The following KLF7 variants were observed in gnomAD, a reference collection of about 807,000 sequenced individuals.
KLF7 encodes KLF transcription factor 7.
KLF7 carries 2 observed loss-of-function variants against 27.3 expected under a neutral mutation model. The observed-to-expected ratio is 0.07, with a 90% CI of 0.03 to 0.23. The LOEUF is 0.23. KLF7 is among the 10% of genes least tolerant of loss of function. KLF7 has a pLI of 1.00. For missense variants in KLF7, 221 were observed against 394.1 expected, an observed-to-expected ratio of 0.56 and a Z score of 3.72; for synonymous variants, 165 against 162.4, an observed-to-expected ratio of 1.02 and a Z score of -0.12.
Position 207,075,815 on chromosome 2 carries a change from A to G in KLF7, c.*5398T>C, listed in dbSNP as rs975039330. The G allele has an allele frequency of 1.3e-5, 2 of 152,158 alleles. No homozygotes were observed. Among genetic ancestry groups the G allele is most frequent in the Non-Finnish European group, 2.9e-5 (2 of 68,026 alleles). The allele number at this position is 152,158 out of a possible 1,614,324, so 9.4% of individuals were successfully genotyped here. ...TGGAATGAAGCAGAAGTGAAAGATA[A>G]GGAAATTAAACTAAGTCTGGGTTTA... On this transcript the variant is annotated 3_prime_UTR_variant, in exon 4 of 4. Transcript: ENST00000309446.
intron 1 of KLF7, among the ~76,000 whole-genome samples, chr2:207,148,560 G>A (rs897116915): frequency 6.6e-6 from 1 of 152,088 alleles, no homozygotes; most frequent in African/African-American, 2.4e-5. Flanking sequence ...AGCCCACAAT[G>A]GTTTTTTGAC....
intron 1 of KLF7, among the ~76,000 whole-genome samples, chr2:207,161,812 T>A (rs578112246): frequency 6.6e-6 from 1 of 152,112 alleles, no homozygotes; most frequent in African/African-American, 2.4e-5. Flanking sequence ...TTTAAAACAA[T>A]AGGGGAATGG....
intron 1 of KLF7, among the ~76,000 whole-genome samples, chr2:207,157,942 A>T (rs1375895209): frequency 6.6e-6 from 1 of 152,226 alleles, no homozygotes; most frequent in African/African-American, 2.4e-5. Context: ...TTGATGAGTT[A>T]GGGGTTTAGG....
At chr2:207,104,932 G>C (rs1285100355) in intron 2 of KLF7, among the ~76,000 whole-genome samples, 1 of 152,206 alleles carries the variant, frequency 6.6e-6, no homozygotes, top group East Asian at 1.9e-4. Context: ...CGAATCTACT[G>C]AGACAGGAAG....
chr2:207,172,599 TTTACAGGATAA>T, the KLF7 span, among the ~76,000 whole-genome samples: 16 of 152,194 alleles, frequency 1.1e-4, no homozygotes, highest in Admixed American at 9.8e-4. Flanking sequence ...ATATTTGACT[TTTACAGGATAA>T]TCAAAAAGAG....
chr2:207,124,153 A>G lies in KLF7; in HGVS notation c.354T>C (p.Ser118=), dbSNP rs1399173253. 1 of 1,614,122 alleles carries G rather than the reference A, an allele frequency of 6.2e-7. No homozygotes were observed. The highest frequency in any genetic ancestry group is 2.2e-5 in the East Asian group (1 of 44,878). The change falls in exon 2 of 4, where the codon TCT becomes TCC. Residue 118 remains serine, a synonymous_variant. Coordinates refer to ENST00000309446, the MANE Select transcript of KLF7 (RefSeq NM_003709.4). The part of the protein sequence containing the change: ...TCLSLQPASS[S]LDSYTAVNQA... ...GGTTGACGGCTGTGTAGCTGTCTAGAGAAGAGCTGGCCGGCTGGAGGCTGA... is the reference window on the plus strand; with the variant it reads ...GGTTGACGGCTGTGTAGCTGTCTAGGGAAGAGCTGGCCGGCTGGAGGCTGA...
chr2:207,149,101 A>G, intron 1 of KLF7: 5 of 1,271,056 alleles, frequency 3.9e-6, no homozygotes, highest in Non-Finnish European at 4.1e-6. Flanking sequence ...AGGGACTGAT[A>G]AATCTGTCTT....
chr2:207,160,068 G>C (rs1169305780), intron 1 of KLF7, among the ~76,000 whole-genome samples: 1 of 152,178 alleles, frequency 6.6e-6, no homozygotes, highest in South Asian at 2.1e-4. Flanking sequence ...TCTACAATGA[G>C]TATACAGAGA....
At chr2:207,103,648 C>T (rs1283932049) in intron 2 of KLF7, among the ~76,000 whole-genome samples, 3 of 152,212 alleles carry the variant, frequency 2.0e-5, no homozygotes, top group Non-Finnish European at 4.4e-5. Flanking sequence ...CACACACACA[C>T]AACTCACCAT....
intron 2 of KLF7, among the ~76,000 whole-genome samples, chr2:207,122,623 T>A (rs997143620): frequency 2.6e-5 from 4 of 152,156 alleles, no homozygotes; most frequent in Admixed American, 2.6e-4. Flanking sequence ...GTGGCAGAGT[T>A]AGAACTAAAG....
chr2:207,163,401 G>A (rs2078605025), intron 1 of KLF7, among the ~76,000 whole-genome samples: 1 of 152,230 alleles, frequency 6.6e-6, no homozygotes, highest in Non-Finnish European at 1.5e-5. Flanking sequence ...TGAATGGGGA[G>A]GAGGCAGAGG....
At chr2:207,139,897 T>G (rs2077893383) in intron 1 of KLF7, among the ~76,000 whole-genome samples, 1 of 152,226 alleles carries the variant, frequency 6.6e-6, no homozygotes, top group Non-Finnish European at 1.5e-5. Context: ...TTTTCTTTTC[T>G]GAGACAAGAG....
chr2:207,132,351 A>G (rs201844624), intron 1 of KLF7, among the ~76,000 whole-genome samples: 90 of 152,362 alleles, frequency 5.9e-4, no homozygotes, highest in African/African-American at 1.9e-3. Context: ...ACCAAGTTAT[A>G]TATTTCCCTC....
At chr2:207,150,978 T>A (rs2078226203) in intron 1 of KLF7, among the ~76,000 whole-genome samples, 1 of 122,330 alleles carries the variant, frequency 8.2e-6, no homozygotes, top group African/African-American at 3.1e-5. Context: ...GCTCTGAGTG[T>A]AAGACCTGTT....
intron 1 of KLF7, among the ~76,000 whole-genome samples, chr2:207,144,168 GAA>G (rs1176457671): frequency 1.0e-3 from 67 of 64,628 alleles, no homozygotes; most frequent in East Asian, 2.3e-3. Flanking sequence ...GCGGGGGGGA[GAA>G]AAAAAAAAAA....
chr2:207,124,606 C>G (rs116032764), intron 1 of KLF7, among the ~76,000 whole-genome samples: 1 of 152,154 alleles, frequency 6.6e-6, no homozygotes, highest in Admixed American at 6.5e-5. Flanking sequence ...CAGATGATTT[C>G]AATTACTCTA....
Position 207,165,715 on chromosome 2 carries a change from G to GA in KLF7, c.-148dup, listed in dbSNP as rs71412410. Reference sequence around the variant, plus strand: ...TGTTTTGTTTCAGTCAACTAAAAAGGAAAAAAAAAAATCAATGCAGGAGAG... The same window carrying GA: ...TGTTTTGTTTCAGTCAACTAAAAAGGAAAAAAAAAAAATCAATGCAGGAGAG... On this transcript the variant is annotated 5_prime_UTR_variant, in exon 1 of 4. It removes the in-frame stop codon of an upstream open reading frame in the 5' UTR. Transcript: ENST00000309446. 8,180 of 1,124,824 alleles carry GA rather than the reference G, an allele frequency of 7.3e-3. 54 individuals are homozygous for GA. Among genetic ancestry groups the GA allele is most frequent in the African/African-American group, 0.049 (3,038 of 62,234 alleles). 69.7% of individuals were successfully genotyped at this position (1,124,824 alleles called of 1,614,324 possible). A position where few individuals can be genotyped will look rare whatever the true frequency, so the allele number is the denominator to read the frequency against.
chr2:207,099,796 T>C (rs1455338023), intron 2 of KLF7, among the ~76,000 whole-genome samples: 1 of 151,850 alleles, frequency 6.6e-6, no homozygotes, highest in East Asian at 1.9e-4. Context: ...TAATTTTCTC[T>C]AAACTTAAAA....
chr2:207,109,090 A>T (rs933344636), intron 2 of KLF7, among the ~76,000 whole-genome samples: 1 of 152,238 alleles, frequency 6.6e-6, no homozygotes, highest in African/African-American at 2.4e-5. Flanking sequence ...CTCATCAAGA[A>T]TTATCTAAAA....
Sources: allele counts gnomAD v4.1 joint callset (sites outside exome capture counted in the v4.1 genomes callset), GRCh38; gene constraint gnomAD v4.1.1; transcripts MANE v1.5; gene names NCBI Gene and HGNC (gene_info 2026-07-23, HGNC 2026-07-21).